The following LSAMP variants were observed in gnomAD, a reference collection of about 807,000 sequenced individuals.
LSAMP encodes limbic system associated membrane protein.
In LSAMP, 7 loss-of-function variants were observed where a neutral mutation model predicts 38.6. The ratio of observed to expected loss-of-function variants is 0.18; its 90% CI spans 0.10 to 0.34. The LOEUF (loss-of-function observed/expected upper bound fraction) is 0.34. LSAMP is among the 10% of genes least tolerant of loss of function. The pLI, the probability that LSAMP is intolerant of heterozygous loss-of-function variation, is 1.00. For synonymous variants in LSAMP, 154 were observed against 166.8 expected, an observed-to-expected ratio of 0.92 and a Z score of 0.59; for missense variants, 313 against 420.0, an observed-to-expected ratio of 0.75 and a Z score of 2.23.
At chr3:116,275,059 T>C (rs1361625227) in intron 1 of LSAMP, among the ~76,000 whole-genome samples, 2 of 139,390 alleles carry the variant, frequency 1.4e-5, no homozygotes, top group Admixed American at 1.4e-4. Flanking sequence ...TAAAAATAAA[T>C]AAATAAATAA....
chr3:115,823,185 C>T (rs1006304260), intron 6 of LSAMP, among the ~76,000 whole-genome samples: 2 of 152,060 alleles, frequency 1.3e-5, no homozygotes, highest in Non-Finnish European at 2.9e-5. Context: ...ACATATGAGC[C>T]CCCACATCTG....
intron 1 of LSAMP, among the ~76,000 whole-genome samples, chr3:116,177,990 A>C (rs561343857): frequency 6.6e-6 from 1 of 152,286 alleles, no homozygotes; most frequent in East Asian, 1.9e-4. Context: ...TGAAAATTGA[A>C]AAGAGGAGCT....
At chr3:116,067,966 A>G (rs1707502339) in intron 2 of LSAMP, among the ~76,000 whole-genome samples, 1 of 152,180 alleles carries the variant, frequency 6.6e-6, no homozygotes, top group African/African-American at 2.4e-5. Flanking sequence ...GTTATCACAA[A>G]TGGTTATGAA....
intron 1 of LSAMP, among the ~76,000 whole-genome samples, chr3:116,368,715 C>G (rs1378673166): frequency 6.6e-6 from 1 of 152,134 alleles, no homozygotes; most frequent in African/African-American, 2.4e-5. Flanking sequence ...TGATGGGATT[C>G]ACCAGCTATA....
chr3:116,197,163 A>ACTCT (rs1553712533), intron 1 of LSAMP, among the ~76,000 whole-genome samples: 3 of 139,088 alleles, frequency 2.2e-5, no homozygotes, highest in Non-Finnish European at 3.2e-5. Context: ...ACACACACAC[A>ACTCT]CTCTCTCTCT....
chr3:116,373,780 C>T (rs2048461733), intron 1 of LSAMP, among the ~76,000 whole-genome samples: 1 of 151,760 alleles, frequency 6.6e-6, no homozygotes, highest in East Asian at 1.9e-4. Flanking sequence ...AAAAGGGATT[C>T]CAGTAGTGTG....
Position 116,273,683 on chromosome 3 carries a change from CATATATAT to C in LSAMP, c.155+171186_155+171193del, listed in dbSNP as rs1553719897. On this transcript the variant is annotated intron_variant, in intron 1 of 6. Coordinates refer to ENST00000490035, the MANE Select transcript of LSAMP (RefSeq NM_002338.5). ...GACCACCAAGAGAAAGAGAAAGAGG[CATATATAT>C]ATATATATATATATATACACACACA... Among the ~76,000 whole-genome samples, 8 of 50,500 alleles carry C rather than the reference CATATATAT, an allele frequency of 1.6e-4. 2 individuals carry two copies. The highest frequency in any genetic ancestry group is 1.4e-3 in the South Asian group (2 of 1,394). 33.1% of individuals were successfully genotyped at this position (50,500 alleles called of 152,430 possible).
chr3:115,994,436 CA>C (rs1939759574), intron 3 of LSAMP, among the ~76,000 whole-genome samples: 1 of 152,148 alleles, frequency 6.6e-6, no homozygotes, highest in Admixed American at 6.6e-5. Flanking sequence ...TGGGTCATAT[CA>C]GTTATAAAAT....
At chr3:116,003,383 T>C (rs1044601234) in intron 3 of LSAMP, among the ~76,000 whole-genome samples, 8 of 152,230 alleles carry the variant, frequency 5.3e-5, no homozygotes, top group Non-Finnish European at 1.0e-4. Context: ...AGGCAAGATC[T>C]AATTACATTT....
At chr3:116,277,166 A>G (rs929049998) in intron 1 of LSAMP, among the ~76,000 whole-genome samples, 2 of 152,186 alleles carry the variant, frequency 1.3e-5, no homozygotes, top group South Asian at 2.1e-4. Context: ...GTAAAAATAA[A>G]TTAATTATAA....
intron 1 of LSAMP, among the ~76,000 whole-genome samples, chr3:116,242,622 T>G (rs374314462): frequency 3.3e-5 from 5 of 152,294 alleles, no homozygotes; most frequent in African/African-American, 1.2e-4. Flanking sequence ...TTCTAACATG[T>G]TTTTCCAAGT....
At chr3:116,073,562 AT>A (rs1230093420) in intron 2 of LSAMP, among the ~76,000 whole-genome samples, 1 of 152,122 alleles carries the variant, frequency 6.6e-6, no homozygotes, top group African/African-American at 2.4e-5. Context: ...ATACTTTTCC[AT>A]TTGTTTGTGT....
At chr3:116,414,416 T>A (rs1041292684) in intron 1 of LSAMP, among the ~76,000 whole-genome samples, 6 of 152,128 alleles carry the variant, frequency 3.9e-5, no homozygotes, top group Admixed American at 6.5e-5. Context: ...GCCGGTGTCT[T>A]CCAGTTCATT....
intron 1 of LSAMP, among the ~76,000 whole-genome samples, chr3:116,348,254 C>T (rs566502952): frequency 6.6e-6 from 1 of 152,190 alleles, no homozygotes; most frequent in Admixed American, 6.6e-5. Context: ...ATACTCTCTT[C>T]ATGCCTCGGT....
chr3:115,986,704 G>T (rs138708674), intron 3 of LSAMP, among the ~76,000 whole-genome samples: 16 of 152,098 alleles, frequency 1.1e-4, no homozygotes, highest in African/African-American at 3.4e-4. Context: ...AAAAAAGAGG[G>T]GGGTGGGGGC....
chr3:116,067,010 C>T (rs1707469852), intron 2 of LSAMP, among the ~76,000 whole-genome samples: 1 of 152,050 alleles, frequency 6.6e-6, no homozygotes, highest in African/African-American at 2.4e-5. Flanking sequence ...AAAGAGAAGC[C>T]TCAGCTTAGA....
At chr3:116,098,220 C>T (rs539586363) in intron 1 of LSAMP, among the ~76,000 whole-genome samples, 9 of 151,644 alleles carry the variant, frequency 5.9e-5, no homozygotes, top group East Asian at 2.0e-4. Flanking sequence ...ACAAGGAGCC[C>T]GGGCGCAGTG....
chr3:116,202,939 G>A (rs1576428984), intron 1 of LSAMP, among the ~76,000 whole-genome samples: 1 of 152,142 alleles, frequency 6.6e-6, no homozygotes, highest in African/African-American at 2.4e-5. Flanking sequence ...ATAGAAATGT[G>A]TTCTTTGTTG....
At chr3:115,827,006 G>A (rs888963278) in intron 6 of LSAMP, among the ~76,000 whole-genome samples, 6 of 147,384 alleles carry the variant, frequency 4.1e-5, no homozygotes, top group African/African-American at 1.3e-4. Context: ...AGCTGTCAGC[G>A]ATAAACTTAC....
Sources: gnomAD v4.1 joint callset for allele counts (sites outside exome capture counted in the v4.1 genomes callset) on GRCh38, gnomAD v4.1.1 for gene constraint, MANE v1.5 for transcripts, NCBI Gene and HGNC (gene_info 2026-07-23, HGNC 2026-07-21) for gene names.